Variants in SLC36A1 observed in about 807,000 individuals in gnomAD.
SLC36A1 encodes the protein solute carrier family 36 member 1, also known as proton-coupled amino acid transporter 1.
In SLC36A1, 30 loss-of-function variants were observed where a neutral mutation model predicts 47.5. The observed-to-expected ratio is 0.63, with a 90% confidence interval of 0.47 to 0.86. The LOEUF is 0.86. SLC36A1 is among the 40% of genes least tolerant of loss of function. The pLI is 0.00. For missense variants in SLC36A1, 517 were observed against 606.0 expected (o/e 0.85, Z 1.54); for synonymous variants, 255 against 249.7 (o/e 1.02, Z -0.20).
Position 151,491,508 on chromosome 5 carries a change from C to T in SLC36A1, c.*3254C>T, listed in dbSNP as rs1329933745. The T allele has an allele frequency of 9.3e-6, 1 of 107,420 alleles. No individual in the cohort carries two copies. The highest frequency in any genetic ancestry group is 1.7e-5 in the Non-Finnish European group (1 of 57,626). 6.7% of individuals were successfully genotyped at this position (107,420 alleles called of 1,614,324 possible). ...TAGAAAAATCATGTTTCTTCTCTCTCATCTTACTTTTTCTTCTCAGATTTC... is the reference window on the plus strand; with the variant it reads ...TAGAAAAATCATGTTTCTTCTCTCTTATCTTACTTTTTCTTCTCAGATTTC... On this transcript the variant is annotated 3_prime_UTR_variant, in exon 11 of 11. Coordinates refer to ENST00000243389, the MANE Select transcript of SLC36A1 (RefSeq NM_078483.4).
chr5:151,506,228 G>A, the SLC36A1 span: 24 of 904,246 alleles, frequency 2.7e-5, no homozygotes, highest in Admixed American at 8.0e-4. Context: ...ATCTGTGCAG[G>A]TTGTCTCTGT....
chr5:151,393,941 T>C, the SLC36A1 span, among the ~76,000 whole-genome samples: 1 of 150,044 alleles, frequency 6.7e-6, no homozygotes, highest in Non-Finnish European at 1.5e-5. Flanking sequence ...TGAATTTGAA[T>C]GTTGGCCTGC....
chr5:151,462,084 T>C (rs2127480173), intron 2 of SLC36A1, among the ~76,000 whole-genome samples: 1 of 151,850 alleles, frequency 6.6e-6, no homozygotes. Flanking sequence ...AGGAAAACAA[T>C]AGATAATACA....
chr5:151,425,452 C>T, the SLC36A1 span: 2 of 152,346 alleles, frequency 1.3e-5, no homozygotes, highest in African/African-American at 4.8e-5. Flanking sequence ...TGACCTTGGC[C>T]CCAGAGCCAA....
the SLC36A1 span, chr5:151,504,806 G>C: frequency 6.5e-6 from 1 of 152,696 alleles, no homozygotes; most frequent in Non-Finnish European, 1.5e-5. Context: ...GTTCAGAGCT[G>C]TGTAGACTCC....
the SLC36A1 span, among the ~76,000 whole-genome samples, chr5:151,423,186 G>A: frequency 2.6e-5 from 4 of 152,170 alleles, no homozygotes; most frequent in South Asian, 2.1e-4. Flanking sequence ...TTGCTGGTTC[G>A]GGAATGCAAA....
intron 10 of SLC36A1, among the ~76,000 whole-genome samples, chr5:151,483,518 G>C (rs1009084072): frequency 5.1e-5 from 7 of 138,072 alleles, no homozygotes; most frequent in Non-Finnish European, 1.1e-4. Flanking sequence ...TTGTGTGTGT[G>C]GGGGGGGTGA....
chr5:151,439,864 A>G (rs567589136), intron 1 of SLC36A1, among the ~76,000 whole-genome samples: 2 of 152,214 alleles, frequency 1.3e-5, no homozygotes, highest in East Asian at 3.9e-4. Context: ...CCAGCATGTC[A>G]TATCTGATGG....
chr5:151,371,415 C>T, the SLC36A1 span, among the ~76,000 whole-genome samples: 269 of 152,344 alleles, frequency 1.8e-3, 1 homozygote, highest in African/African-American at 6.1e-3. Flanking sequence ...CCTAGACACA[C>T]ACATATTCAC....
the SLC36A1 span, among the ~76,000 whole-genome samples, chr5:151,348,596 A>T: frequency 2.7e-3 from 408 of 152,312 alleles, no homozygotes; most frequent in African/African-American, 9.2e-3. Context: ...TCCTGTATGC[A>T]ATTTTGAATG....
chr5:151,368,964 T>C, the SLC36A1 span, among the ~76,000 whole-genome samples: 1 of 152,220 alleles, frequency 6.6e-6, no homozygotes, highest in Admixed American at 6.5e-5. Flanking sequence ...ATTTCAACCT[T>C]TACCAGCTGA....
At chr5:151,529,620 T>A in the SLC36A1 span, among the ~76,000 whole-genome samples, 1 of 152,242 alleles carries the variant, frequency 6.6e-6, no homozygotes, top group Non-Finnish European at 1.5e-5. Flanking sequence ...TTCCCTCACT[T>A]ACTTCTGTAA....
chr5:151,378,263 C>T, the SLC36A1 span: 6 of 222,136 alleles, frequency 2.7e-5, no homozygotes, highest in East Asian at 5.4e-4. Flanking sequence ...ACCATCCCAA[C>T]AGACTGTGAA....
chr5:151,466,307 A>T lies in SLC36A1; in HGVS notation c.420-892A>T, dbSNP rs542672447. Among the ~76,000 whole-genome samples, 14 of 152,364 alleles carry T rather than the reference A, an allele frequency of 9.2e-5. 1 individual carries two copies. Among genetic ancestry groups the T allele is most frequent in the African/African-American group, 2.9e-4 (12 of 41,592 alleles). On this transcript the variant is annotated intron_variant, in intron 5 of 10. Coordinates refer to ENST00000243389, the MANE Select transcript of SLC36A1 (RefSeq NM_078483.4). ...TAAAAAGTGAAAGAAAATTTTGGTC[A>T]CAGTTGCATGGGTAGCCTTTTGGAA...
the SLC36A1 span, chr5:151,521,515 A>G: frequency 6.2e-7 from 1 of 1,614,206 alleles, no homozygotes; most frequent in East Asian, 2.2e-5. Context: ...AAACTCGTAG[A>G]AGGTTCCAGA....
At chr5:151,543,760 G>A in the SLC36A1 span, 4 of 1,614,190 alleles carry the variant, frequency 2.5e-6, no homozygotes, top group Non-Finnish European at 3.4e-6. Flanking sequence ...TCCATCAGAA[G>A]CACCTACCCT....
chr5:151,372,293 T>G, the SLC36A1 span, among the ~76,000 whole-genome samples: 1 of 152,158 alleles, frequency 6.6e-6, no homozygotes. Flanking sequence ...GGGACATGAC[T>G]GTTTTTGATA....
At chr5:151,554,541 T>G in the SLC36A1 span, 3 of 1,614,190 alleles carry the variant, frequency 1.9e-6, no homozygotes, top group East Asian at 6.7e-5. Flanking sequence ...GACACAGGGC[T>G]CAGCCTCTCT....
At chr5:151,475,380 C>T (rs1757905442) in intron 8 of SLC36A1, among the ~76,000 whole-genome samples, 1 of 152,212 alleles carries the variant, frequency 6.6e-6, no homozygotes, top group South Asian at 2.1e-4. Flanking sequence ...ATTCTGCAAA[C>T]ATCATTTGTT....
Sources: gnomAD v4.1 joint callset for allele counts (sites outside exome capture counted in the v4.1 genomes callset) on GRCh38, gnomAD v4.1.1 for gene constraint, MANE v1.5 for transcripts, NCBI Gene and HGNC (gene_info 2026-07-23, HGNC 2026-07-21) for gene names.